SYBU: variants seen among roughly 807,000 people sequenced by gnomAD.
SYBU encodes GOLSYN A protein.
Under a neutral mutation model 35.9 loss-of-function variants are expected in SYBU, and 21 were observed. The observed-to-expected ratio is 0.58, with a 90% CI of 0.41 to 0.84. The LOEUF (loss-of-function observed/expected upper bound fraction) is 0.84, where lower values mean the gene tolerates loss of function less well. SYBU is among the 40% of genes least tolerant of loss of function. The pLI is 0.00. For missense variants in SYBU, 768 were observed against 848.2 expected (o/e 0.91, Z 1.17); for synonymous variants, 319 against 324.3 (o/e 0.98, Z 0.18).
chr8:109,618,365 T>C (rs1812050393), intron 3 of SYBU, among the ~76,000 whole-genome samples: 1 of 152,216 alleles, frequency 6.6e-6, no homozygotes, highest in Non-Finnish European at 1.5e-5. Flanking sequence ...CATATTCATA[T>C]TTAAATCTCT....
At chr8:109,607,904 T>C in intron 3 of SYBU, 2 of 1,460,158 alleles carry the variant, frequency 1.4e-6, no homozygotes, top group South Asian at 1.2e-5. Context: ...TGACTAATAC[T>C]ACTTACTTAG....
At chr8:109,585,535 G>A (rs1823507187) in intron 4 of SYBU, among the ~76,000 whole-genome samples, 1 of 152,198 alleles carries the variant, frequency 6.6e-6, no homozygotes, top group Admixed American at 6.5e-5. Context: ...CCCAGCTGGT[G>A]TGCTCTATGG....
rs543467389 is a variant in SYBU at position 109,599,306 on chromosome 8, C to G, written c.428-13144G>C. 2.3e-3 allele frequency among the ~76,000 whole-genome samples: 344 copies of G among 152,256 alleles called. 1 individual carries two copies. The highest frequency in any genetic ancestry group is 7.7e-3 in the African/African-American group (318 of 41,540). On this transcript the variant is annotated intron_variant, in intron 3 of 6. Transcript: ENST00000276646. ...ATTCTTAAGCAAAAAGTTAACATAA[C>G]AGAAATACATTTTAAAGAAGTGTTG...
intron 3 of SYBU, among the ~76,000 whole-genome samples, chr8:109,610,361 GA>G (rs1164048825): frequency 2.0e-5 from 3 of 152,214 alleles, no homozygotes; most frequent in African/African-American, 7.2e-5. Context: ...TCAAATGAAT[GA>G]ATGAAAGCTA....
chr8:109,690,253 C>T lies in SYBU; in HGVS notation c.-58+1080G>A, dbSNP rs7819893. Among the ~76,000 whole-genome samples, 822 of 152,292 alleles carry T rather than the reference C, an allele frequency of 5.4e-3. 7 individuals carry two copies. Among genetic ancestry groups the T allele is most frequent in the African/African-American group, 0.018 (744 of 41,564 alleles). On this transcript the variant is annotated intron_variant, in intron 1 of 7. Coordinates refer to the SYBU transcript ENST00000422135. Reference sequence around the variant, plus strand: ...GATTTCACCTGGGCTCATCTCTCAGCGACAGGTGCTACTGCTCTCCAAATG... The same window carrying T: ...GATTTCACCTGGGCTCATCTCTCAGTGACAGGTGCTACTGCTCTCCAAATG...
intron 2 of SYBU, among the ~76,000 whole-genome samples, chr8:109,625,563 A>C (rs1354893717): frequency 6.6e-6 from 1 of 152,080 alleles, no homozygotes; most frequent in Non-Finnish European, 1.5e-5. Context: ...CTGGAACTAC[A>C]GGCTTAGGTC....
In SYBU at chr8:109,658,872, T is replaced by C. The variant is rs376421560; in HGVS notation, c.-129+21839A>G. 2.6e-5 allele frequency among the ~76,000 whole-genome samples: 4 copies of C among 152,102 alleles called. No homozygotes were observed. In the South Asian group the frequency reaches 6.2e-4, roughly 24 times the overall value. On this transcript the variant is annotated intron_variant, in intron 1 of 5. Coordinates refer to the SYBU transcript ENST00000408889. Reference sequence around the variant, plus strand: ...AGGAGACTGAGGCAGGAGAATCGCTTGAACCGGAAAGGCGGAGGTTGCAGT... The same window carrying C: ...AGGAGACTGAGGCAGGAGAATCGCTCGAACCGGAAAGGCGGAGGTTGCAGT...
At chr8:109,639,889 A>G (rs928065672) in intron 2 of SYBU, among the ~76,000 whole-genome samples, 5 of 152,070 alleles carry the variant, frequency 3.3e-5, no homozygotes, top group African/African-American at 1.2e-4. Context: ...CTCCTAAAGC[A>G]TCATTAACAT....
chr8:109,602,882 C>T (rs1027507381), intron 3 of SYBU, among the ~76,000 whole-genome samples: 2 of 152,154 alleles, frequency 1.3e-5, no homozygotes, highest in Admixed American at 1.3e-4. Context: ...TTAACCCTGA[C>T]ATGTGTTCAA....
At chr8:109,684,493 G>C (rs542384250), upstream of SYBU, among the ~76,000 whole-genome samples, 4 of 152,254 alleles carry the variant, frequency 2.6e-5, no homozygotes, top group South Asian at 8.3e-4. Context: ...ATTATATAAT[G>C]GGCTTATTAA....
At chr8:109,646,792 C>A (rs1189967896), upstream of SYBU, 1 of 152,180 alleles carries the variant, frequency 6.6e-6, no homozygotes, top group African/African-American at 2.4e-5. Flanking sequence ...TCATCGTGGA[C>A]TTTTTTCTCT....
At chr8:109,638,594 C>T (rs1043853339) in intron 2 of SYBU, among the ~76,000 whole-genome samples, 5 of 152,070 alleles carry the variant, frequency 3.3e-5, no homozygotes, top group Non-Finnish European at 7.4e-5. Flanking sequence ...TATTAACTTC[C>T]TATTAACTGT....
intron 3 of SYBU, among the ~76,000 whole-genome samples, chr8:109,612,305 TTCAAGCC>T (rs1192033179): frequency 7.9e-5 from 12 of 152,344 alleles, no homozygotes; most frequent in Admixed American, 4.6e-4. Context: ...CAGAGTGTTA[TTCAAGCC>T]CACAGTTACA....
intron 3 of SYBU, chr8:109,607,786 A>G (rs540687936): frequency 7.6e-6 from 4 of 525,586 alleles, no homozygotes; most frequent in African/African-American, 5.9e-5. Context: ...TTTAGGCTCC[A>G]TTTTGGCCTA....
At chr8:109,655,644 T>G (rs1816324456) in intron 1 of SYBU, among the ~76,000 whole-genome samples, 1 of 152,234 alleles carries the variant, frequency 6.6e-6, no homozygotes, top group African/African-American at 2.4e-5. Context: ...TGTTATAGTT[T>G]TTCCTCCTGC....
intron 3 of SYBU, among the ~76,000 whole-genome samples, chr8:109,612,114 C>T (rs1004003544): frequency 3.3e-5 from 5 of 152,162 alleles, no homozygotes; most frequent in African/African-American, 9.7e-5. Flanking sequence ...CATTTACAAG[C>T]TGTGTGACCT....
chr8:109,601,312 T>C (rs895506280), intron 3 of SYBU, among the ~76,000 whole-genome samples: 2 of 152,174 alleles, frequency 1.3e-5, no homozygotes, highest in African/African-American at 4.8e-5. Context: ...TTGTCTGACA[T>C]CACTCTGCTT....
At chr8:109,616,094 C>T (rs1365538165) in intron 3 of SYBU, among the ~76,000 whole-genome samples, 1 of 145,168 alleles carries the variant, frequency 6.9e-6, no homozygotes. Flanking sequence ...TCATTGCAAC[C>T]TCCGCCTCCA....
chr8:109,575,994 G>A lies in SYBU; in HGVS notation c.904C>T (p.Leu302Phe), dbSNP rs1822245362. The A allele has an allele frequency of 6.6e-7, 1 of 1,523,840 alleles. No homozygotes were observed. Among genetic ancestry groups the A allele is most frequent in the Non-Finnish European group, 8.8e-7 (1 of 1,131,240 alleles). 94.4% of individuals were successfully genotyped at this position (1,523,840 alleles called of 1,614,324 possible). Residue 302 changes from leucine (L) to phenylalanine (F), a missense_variant, in exon 7 of 7, where the codon CTT (leucine) becomes TTT (phenylalanine). Physicochemically the swap from Leu to Phe is conservative, Grantham distance 22. Coordinates refer to ENST00000276646, the MANE Select transcript of SYBU (RefSeq NM_001099754.2). ...CGCATGCGGGCCAGCTGGGACTTAA[G>A]CTCCACGATTTCACTTTCCCTAGAG... is the stretch of plus-strand genomic sequence containing the variant. ...LHERESEIVE[L>F]KSQLARMRED...
Sources: gnomAD v4.1 joint callset for allele counts (sites outside exome capture counted in the v4.1 genomes callset) on GRCh38, gnomAD v4.1.1 for gene constraint, MANE v1.5 for transcripts, NCBI Gene and HGNC (gene_info 2026-07-23, HGNC 2026-07-21) for gene names.